PRSS36: variants seen among roughly 807,000 people sequenced by gnomAD.
The protein encoded by PRSS36 is polyserase-2.
A neutral mutation model predicts 94.3 loss-of-function variants in PRSS36; 90 were observed. The observed-to-expected ratio is 0.95, with a 90% CI of 0.80 to 1.14. The LOEUF is 1.14. Ranked by LOEUF, PRSS36 falls within the 50% of genes most tolerant of loss-of-function variation. The probability of loss-of-function intolerance (pLI) is 0.00; values close to 1 mark genes in which losing one functional copy is unlikely to be tolerated. For missense variants in PRSS36, 1,158 were observed against 1,135.0 expected (o/e 1.02, Z -0.29); for synonymous variants, 500 against 489.6 (o/e 1.02, Z -0.28).
rs374262238 is a variant in PRSS36, at chr16:31,149,771, G to A, written c.38-40C>T. 13 of 1,613,586 alleles carry A rather than the reference G, an allele frequency of 8.1e-6. No homozygotes were observed. The Admixed American group carries it at 1.0e-4, about 12-fold the overall frequency. ...GTAGGCAGGAAGAGGCTGGCGACTC[G>A]CACTCAGTATGTGCCCTCCCTGACT... On this transcript the variant is annotated intron_variant, in intron 1 of 14. Transcript: ENST00000268281.
intron 3 of PRSS36, 91 bp from the exon 4 acceptor site, chr16:31,149,326 C>T: frequency 2.0e-6 from 3 of 1,515,484 alleles, no homozygotes; most frequent in East Asian, 2.3e-5. Flanking sequence ...GTCCTCCACC[C>T]ACTTCAGTTT....
intron 4 of PRSS36, 63 bp from the exon 5 acceptor site, chr16:31,148,738 G>C: frequency 6.3e-7 from 1 of 1,590,242 alleles, no homozygotes; most frequent in South Asian, 1.1e-5. Flanking sequence ...ACCCTCGTTG[G>C]GGGCAGGGGC....
intron 5 of PRSS36, among the ~76,000 whole-genome samples, chr16:31,146,262 T>C (rs1336655693): frequency 6.6e-6 from 1 of 152,194 alleles, no homozygotes; most frequent in Non-Finnish European, 1.5e-5. Context: ...TGGAGTTGTG[T>C]TGGTCCAGAG....
Position 31,148,685 on chromosome 16 carries a change from A to G in PRSS36, c.273-10T>C, listed in dbSNP as rs1482652762. 1.9e-6 allele frequency: 3 copies of G among 1,611,868 alleles called. No homozygotes were observed. Among genetic ancestry groups the G allele is most frequent in the Admixed American group, 3.3e-5 (2 of 59,860 alleles). On this transcript the variant is annotated splice_polypyrimidine_tract_variant and intron_variant, in intron 4 of 14. Transcript: ENST00000268281. ...CTCCAGCGTCCCATTCCTGCGCTCGACCGGGGCAGTAGGAGGTTAGGTTGA... is the reference window on the plus strand; with the variant it reads ...CTCCAGCGTCCCATTCCTGCGCTCGGCCGGGGCAGTAGGAGGTTAGGTTGA...
At chr16:31,149,901 CT>C in intron 1 of PRSS36, 97 bp downstream of exon 1, 1 of 1,549,196 alleles carries the variant, frequency 6.5e-7, no homozygotes, top group Non-Finnish European at 8.9e-7. Flanking sequence ...TTCTCTCTGA[CT>C]TCCTGCTCCC....
At chr16:31,148,936 G>A in intron 4 of PRSS36, 137 bp downstream of exon 4, 1 of 1,093,224 alleles carries the variant, frequency 9.1e-7, no homozygotes, top group Non-Finnish European at 1.3e-6. Context: ...ATGATGCCTC[G>A]AATAGCACCT....
In PRSS36 at chr16:31,142,773, C is replaced by A; in HGVS notation, c.1321G>T (p.Gly441Trp). 1 of 1,431,400 alleles carries A rather than the reference C, an allele frequency of 7.0e-7. No individual in the cohort carries two copies. Among genetic ancestry groups the A allele is most frequent in the African/African-American group, 1.5e-5 (1 of 67,404 alleles). The allele number at this position is 1,431,400 out of a possible 1,614,324, so 88.7% of individuals were successfully genotyped here. The change falls in exon 9 of 15, where the codon GGG becomes TGG. Residue 441 changes from glycine to tryptophan, a missense_variant. Transcript: ENST00000268281. Reference sequence around the variant, plus strand: ...CAGCGGGCCAGGCGGCAGCGGCTCCCGGGCAGGAAGTAGTGTTCCGGGTGG... The same window carrying A: ...CAGCGGGCCAGGCGGCAGCGGCTCCAGGGCAGGAAGTAGTGTTCCGGGTGG... ...LPHPEHYFLP[G>W]SRCRLARWGR...
rs779605837 is a variant in PRSS36, at chr16:31,143,393, C to T, written c.1049G>A (p.Gly350Glu). The change falls in exon 8 of 15, where the codon GGG (glycine) becomes GAG (glutamate). Residue 350 changes from glycine to glutamate, a missense_variant. Coordinates refer to ENST00000268281, the MANE Select transcript of PRSS36 (RefSeq NM_173502.5). ...GACCCAGCTTTCAGACACCAGCGCC[C>T]CATGGCAGGGTCTGGATCCTGGCAC... is the stretch of plus-strand genomic sequence containing the variant. The part of the protein sequence containing the change: ...VMVPGSRPCH[G>E]ALVSESWVLA... 9.3e-6 allele frequency: 15 copies of T among 1,612,786 alleles called. No individual in the cohort carries two copies. Among genetic ancestry groups the T allele is most frequent in the Non-Finnish European group, 1.3e-5 (15 of 1,179,596 alleles).
chr16:31,148,547 A>C lies in PRSS36; in HGVS notation c.401T>G (p.Val134Gly). ...CAGGGCCAGGTCGGCGCCCAGCTCC[A>C]CTTGGCTGTAGTTGGCCGGCACCAC... Reference protein sequence around the residue: ...AIVVPANYSQVELGADLALLR... With the variant: ...AIVVPANYSQGELGADLALLR... Residue 134 changes from valine to glycine, a missense_variant, in exon 5 of 15, where the codon GTG becomes GGG. By Grantham distance (109) the Val-to-Gly change is moderately radical. Transcript: ENST00000268281. The C allele has an allele frequency of 6.2e-7, 1 of 1,605,984 alleles. No homozygotes were observed.
intron 5 of PRSS36, 24 bp from the exon 6 acceptor site, chr16:31,145,979 G>A: frequency 6.3e-7 from 1 of 1,593,528 alleles, no homozygotes; most frequent in South Asian, 1.1e-5. Flanking sequence ...CAGAGAGCAG[G>A]TGCTGTGAGG....
intron 14 of PRSS36, among the ~76,000 whole-genome samples, chr16:31,139,878 T>TAAA (rs2057654319): frequency 8.5e-5 from 1 of 11,832 alleles, no homozygotes. Context: ...AGACTCAGTC[T>TAAA]CAAAAAAAAA....
At chr16:31,147,966 C>T (rs1269408532) in intron 5 of PRSS36, among the ~76,000 whole-genome samples, 2 of 152,182 alleles carry the variant, frequency 1.3e-5, no homozygotes, top group Non-Finnish European at 2.9e-5. Context: ...ATGCCAGGCA[C>T]TGTACTATGA....
At chr16:31,142,698 G>C in intron 9 of PRSS36, 39 bp downstream of exon 9, 1 of 1,347,314 alleles carries the variant, frequency 7.4e-7, no homozygotes, top group Non-Finnish European at 9.5e-7. Context: ...CCCCTGCACC[G>C]CCCGGTGCCG....
rs2057754872 is a variant in PRSS36 at position 31,143,728 on chromosome 16, G to C, written c.830C>G (p.Thr277Ser). 1.2e-6 allele frequency: 2 copies of C among 1,614,044 alleles called. No homozygotes were observed. Among genetic ancestry groups the C allele is most frequent in the African/African-American group, 1.3e-5 (1 of 74,930 alleles). The change falls in exon 7 of 15, where the codon ACT (threonine) becomes AGT (serine). Residue 277 changes from threonine (T) to serine (S), a missense_variant. Physicochemically the swap from Thr to Ser is moderately conservative, Grantham distance 58. Coordinates refer to ENST00000268281, the MANE Select transcript of PRSS36 (RefSeq NM_173502.5). The part of the protein sequence containing the change: ...CGRRNRPGVF[T>S]AVATYEAWIR... ...CCATGCCTCATAGGTAGCCACAGCA[G>C]TGAAAACTCCAGGGCGGTTTCTCCG... is the stretch of plus-strand genomic sequence containing the variant.
Position 31,142,847 on chromosome 16 carries a change from A to G in PRSS36, c.1247T>C (p.Leu416Pro). Residue 416 changes from leucine (L) to proline (P), a missense_variant, in exon 9 of 15, where the codon CTG (leucine) becomes CCG (proline). Coordinates refer to ENST00000268281, the MANE Select transcript of PRSS36 (RefSeq NM_173502.5). ...CGCGCTCAGGTTCACGGGCGTGCGC[A>G]GCTGCAGCAGCGCCAGGTCCGAGGC... ...DNASDLALLQ[L>P]RTPVNLSAAS... 1 of 1,554,060 alleles carries G rather than the reference A, an allele frequency of 6.4e-7. No individual in the cohort carries two copies. Among genetic ancestry groups the G allele is most frequent in the Non-Finnish European group, 8.7e-7 (1 of 1,153,680 alleles).
intron 6 of PRSS36, among the ~76,000 whole-genome samples, chr16:31,145,553 G>A (rs973973821): frequency 1.3e-5 from 2 of 152,024 alleles, no homozygotes; most frequent in Admixed American, 6.6e-5. Flanking sequence ...TCGCTTGAGC[G>A]GTGGGGGTGG....
At chr16:31,143,023 C>T in intron 8 of PRSS36, 30 bp from the exon 9 acceptor site, 1 of 1,373,000 alleles carries the variant, frequency 7.3e-7, no homozygotes, top group Non-Finnish European at 9.4e-7. Context: ...GGACGTGGGC[C>T]GGATCCCGCA....
At position 31,143,559 on chromosome 16, in the gene PRSS36, G is replaced by A. The variant is rs773999340; in HGVS notation, c.970+29C>T. ...ATCCCAACTCACTCTCCCATGTCCC[G>A]CTTACATCCAGGGGTGCCGCCCACT... On this transcript the variant is annotated intron_variant, in intron 7 of 14. Transcript: ENST00000268281. 6.2e-6 allele frequency: 10 copies of A among 1,613,068 alleles called. No individual in the cohort carries two copies. The South Asian group carries it at 9.9e-5, about 16-fold the overall frequency.
rs2057729168 is a variant in PRSS36 at position 31,142,791 on chromosome 16, C to T, written c.1303G>A (p.Glu435Lys). The T allele has an allele frequency of 2.7e-6, 4 of 1,487,872 alleles. No individual in the cohort carries two copies. The highest frequency in any genetic ancestry group is 1.5e-5 in the African/African-American group (1 of 68,730). 92.2% of individuals were successfully genotyped at this position (1,487,872 alleles called of 1,614,324 possible). The stretch of plus-strand genomic sequence containing the variant: ...CGGCTCCCGGGCAGGAAGTAGTGTT[C>T]CGGGTGGGGTAGGCACACGGGCCGC... ...ASRPVCLPHP[E>K]HYFLPGSRCR... The change falls in exon 9 of 15, where the codon GAA becomes AAA. Residue 435 changes from glutamate (E) to lysine (K), a missense_variant. Glu to Lys is a moderately conservative substitution (Grantham distance 56, BLOSUM62 1). Transcript: ENST00000268281.
Sources: gnomAD v4.1 joint callset for allele counts (sites outside exome capture counted in the v4.1 genomes callset) on GRCh38, gnomAD v4.1.1 for gene constraint, MANE v1.5 for transcripts, NCBI Gene and HGNC (gene_info 2026-07-23, HGNC 2026-07-21) for gene names.